ARK2N: variants seen among roughly 807,000 people sequenced by gnomAD.
ARK2N encodes the protein arkadia (RNF111) N-terminal like PKA signaling regulator 2N.
At chr18:46,194,504 G>T in the ARK2N span, among the ~76,000 whole-genome samples, 4 of 150,068 alleles carry the variant, frequency 2.7e-5, no homozygotes, top group Non-Finnish European at 4.4e-5. Flanking sequence ...ACGGAGTCTC[G>T]CTGTGTCACG....
chr18:46,265,349 C>T, the ARK2N span: 1 of 152,664 alleles, frequency 6.6e-6, no homozygotes, highest in Non-Finnish European at 1.5e-5. Flanking sequence ...CAATTCCACA[C>T]AGCAGGTGAT....
chr18:46,223,832 TATCAG>T, the ARK2N span, among the ~76,000 whole-genome samples: 770 of 152,290 alleles, frequency 5.1e-3, 7 homozygotes, highest in African/African-American at 0.017. Context: ...TATCATATGT[TATCAG>T]GTAGGGATAT....
chr18:46,220,009 A>G, the ARK2N span, among the ~76,000 whole-genome samples: 1 of 152,198 alleles, frequency 6.6e-6, no homozygotes, highest in Non-Finnish European at 1.5e-5. Flanking sequence ...ATCGGTGTAC[A>G]TGGTCAGTGG....
chr18:46,211,071 G>A, the ARK2N span, among the ~76,000 whole-genome samples: 1 of 152,138 alleles, frequency 6.6e-6, no homozygotes, highest in South Asian at 2.1e-4. Context: ...GGCATTAATT[G>A]GTTTAAAGAG....
At chr18:46,251,257 T>C in the ARK2N span, among the ~76,000 whole-genome samples, 3 of 152,326 alleles carry the variant, frequency 2.0e-5, no homozygotes, top group East Asian at 5.8e-4. Flanking sequence ...AACTAAAACA[T>C]TGAAGTAGAA....
At chr18:46,217,811 GT>G in the ARK2N span, 3 of 151,952 alleles carry the variant, frequency 2.0e-5, no homozygotes, top group African/African-American at 7.3e-5. Context: ...CTTTGCTATT[GT>G]TCCTTGTAAT....
the ARK2N span, among the ~76,000 whole-genome samples, chr18:46,206,353 C>T: frequency 0.019 from 2,937 of 151,944 alleles, 75 homozygotes; most frequent in African/African-American, 0.06. Context: ...CCCAAAGTGC[C>T]GGGATTATAG....
chr18:46,214,996 G>A, the ARK2N span, among the ~76,000 whole-genome samples: 1 of 152,138 alleles, frequency 6.6e-6, no homozygotes, highest in Non-Finnish European at 1.5e-5. Flanking sequence ...CATGTAGTTG[G>A]AGTGTGTTTG....
chr18:46,250,030 C>A, the ARK2N span, among the ~76,000 whole-genome samples: 1 of 148,788 alleles, frequency 6.7e-6, no homozygotes, highest in African/African-American at 2.5e-5. Context: ...TATTTATGTT[C>A]ATCAATACTT....
the ARK2N span, among the ~76,000 whole-genome samples, chr18:46,237,276 T>A: frequency 6.6e-6 from 1 of 152,190 alleles, no homozygotes; most frequent in Non-Finnish European, 1.5e-5. Context: ...ATCTTACCTG[T>A]CATTTACTTC....
the ARK2N span, among the ~76,000 whole-genome samples, chr18:46,203,384 G>A: frequency 1.3e-5 from 2 of 152,070 alleles, no homozygotes; most frequent in Non-Finnish European, 1.5e-5. Flanking sequence ...AACTTGACAC[G>A]AAAATAAAAG....
chr18:46,232,693 A>G, the ARK2N span: 1 of 152,162 alleles, frequency 6.6e-6, no homozygotes, highest in African/African-American at 2.4e-5. Flanking sequence ...GCTAGTATTG[A>G]GTAGATATTC....
chr18:46,219,698 C>T, the ARK2N span, among the ~76,000 whole-genome samples: 1 of 151,936 alleles, frequency 6.6e-6, no homozygotes, highest in African/African-American at 2.4e-5. Context: ...TCTTGATCTC[C>T]TGACCTTGTG....
chr18:46,252,013 C>G, the ARK2N span, among the ~76,000 whole-genome samples: 4 of 151,896 alleles, frequency 2.6e-5, no homozygotes, highest in Non-Finnish European at 5.9e-5. Flanking sequence ...GCCAACGTGA[C>G]GAAACCCCAT....
the ARK2N span, among the ~76,000 whole-genome samples, chr18:46,209,565 T>G: frequency 1.3e-5 from 2 of 152,256 alleles, no homozygotes; most frequent in Non-Finnish European, 2.9e-5. Flanking sequence ...TGAATTCATT[T>G]TCATTGTCCA....
chr18:46,246,264 G>A, the ARK2N span, among the ~76,000 whole-genome samples: 1 of 152,178 alleles, frequency 6.6e-6, no homozygotes. Context: ...GAGGGGCAGA[G>A]CAGAAAAGGC....
At chr18:46,237,523 G>T in the ARK2N span, among the ~76,000 whole-genome samples, 2 of 151,904 alleles carry the variant, frequency 1.3e-5, no homozygotes, top group Non-Finnish European at 2.9e-5. Flanking sequence ...AAGTAGCTGG[G>T]ATTACAGGTG....
At chr18:46,212,476 A>C in the ARK2N span, among the ~76,000 whole-genome samples, 1 of 152,076 alleles carries the variant, frequency 6.6e-6, no homozygotes, top group African/African-American at 2.4e-5. Context: ...TTTTTCATTA[A>C]AATTGCGTGA....
At chr18:46,228,299 T>G in the ARK2N span, among the ~76,000 whole-genome samples, 1 of 152,224 alleles carries the variant, frequency 6.6e-6, no homozygotes, top group Non-Finnish European at 1.5e-5. Flanking sequence ...AATTTCATCA[T>G]GTTAAGGACT....
Sources: gnomAD v4.1 joint callset for allele counts (sites outside exome capture counted in the v4.1 genomes callset) on GRCh38, gnomAD v4.1.1 for gene constraint, MANE v1.5 for transcripts, NCBI Gene and HGNC (gene_info 2026-07-23, HGNC 2026-07-21) for gene names.